SCRIB: variants seen among roughly 807,000 people sequenced by gnomAD.
SCRIB encodes the protein scribble planar cell polarity protein, also known as protein scribble homolog.
Under a neutral mutation model 170.0 loss-of-function variants are expected in SCRIB, and 72 were observed. That is an observed-to-expected ratio of 0.42 (90% CI 0.35 to 0.52). SCRIB has a LOEUF of 0.52. Among genes scored for constraint, SCRIB ranks in the 20% least tolerant of loss-of-function variants. The pLI, the probability that SCRIB is intolerant of heterozygous loss-of-function variation, is 0.02. For synonymous variants in SCRIB, 1,298 were observed against 1,044.3 expected (o/e 1.24, Z -4.68); for missense variants, 2,475 against 2,338.5 (o/e 1.06, Z -1.20).
chr8:143,807,500 G>A, intron 16 of SCRIB, 52 bp downstream of exon 16: 5 of 1,479,070 alleles, frequency 3.4e-6, no homozygotes, highest in Middle Eastern at 1.7e-4. Flanking sequence ...CCACAGCCCG[G>A]GAAGCAAGGC....
intron 24 of SCRIB, among the ~76,000 whole-genome samples, chr8:143,797,889 T>C (rs528730845): frequency 1.3e-5 from 2 of 152,384 alleles, no homozygotes; most frequent in East Asian, 1.9e-4. Flanking sequence ...TGAATAGGGC[T>C]GAGTGTCAGA....
At chr8:143,799,011 C>T (rs1815061557) in intron 24 of SCRIB, among the ~76,000 whole-genome samples, 1 of 152,192 alleles carries the variant, frequency 6.6e-6, no homozygotes, top group Non-Finnish European at 1.5e-5. Context: ...TGTTGAAACC[C>T]ATCAGGAAAA....
At chr8:143,791,567 G>C in intron 35 of SCRIB, 99 bp downstream of exon 35, 1 of 1,540,976 alleles carries the variant, frequency 6.5e-7, no homozygotes, top group Non-Finnish European at 9.0e-7. Flanking sequence ...TGAAGAGGCA[G>C]GGCCACGGCA....
chr8:143,791,096 T>A lies in SCRIB; in HGVS notation c.*67A>T. 1 of 1,357,284 alleles carries A rather than the reference T, an allele frequency of 7.4e-7. No individual in the cohort carries two copies. The highest frequency in any genetic ancestry group is 9.5e-7 in the Non-Finnish European group (1 of 1,055,272). The allele number at this position is 1,357,284 out of a possible 1,614,324, so 84.1% of individuals were successfully genotyped here. On this transcript the variant is annotated 3_prime_UTR_variant, in exon 37 of 37. Coordinates refer to ENST00000356994, the MANE Select transcript of SCRIB (RefSeq NM_182706.5). The stretch of plus-strand genomic sequence containing the variant: ...AATGCTAACACCCAGGTTAAAAGAC[T>A]TGGGGCAAGGGTGGTGCTGGAGCTG...
At chr8:143,804,244 G>A in intron 21 of SCRIB, 88 bp from the exon 22 acceptor site, 1 of 1,002,448 alleles carries the variant, frequency 1.0e-6, no homozygotes, top group Admixed American at 2.8e-5. Context: ...CCCGGTCCTT[G>A]GGGATGGCGG....
At chr8:143,809,846 T>C in intron 13 of SCRIB, 128 bp from the exon 14 acceptor site, 1 of 1,077,242 alleles carries the variant, frequency 9.3e-7, no homozygotes, top group Non-Finnish European at 1.3e-6. Context: ...GTTAACGGGC[T>C]CACGCCCTCG....
In SCRIB at chr8:143,792,617, T is replaced by C; in HGVS notation, c.4196A>G (p.Lys1399Arg). ...CGCCTCCCGCAGCATCTGCGCTCTCTTCTGCTGTAGTTTTCTGGCTGCCGG... is the reference window on the plus strand; with the variant it reads ...CGCCTCCCGCAGCATCTGCGCTCTCCTCTGCTGTAGTTTTCTGGCTGCCGG... ...QEEEARKLQQ[K>R]RAQMLREAAE... The change falls in exon 31 of 37, where the codon AAG becomes AGG. Residue 1399 changes from lysine to arginine, a missense_variant. This residue lies in a region of SCRIB where 1,966 missense variants were observed against 1,742.9 expected (regional missense o/e 1.13). Transcript: ENST00000356994. The C allele has an allele frequency of 6.3e-7, 1 of 1,594,364 alleles. No individual in the cohort carries two copies. The highest frequency in any genetic ancestry group is 8.5e-7 in the Non-Finnish European group (1 of 1,177,560).
chr8:143,797,711 C>G (rs1815002824), intron 24 of SCRIB, among the ~76,000 whole-genome samples: 1 of 152,272 alleles, frequency 6.6e-6, no homozygotes, highest in South Asian at 2.1e-4. Context: ...GGGGCAGTCA[C>G]TGCAGGCAGG....
intron 27 of SCRIB, among the ~76,000 whole-genome samples, chr8:143,794,678 G>A (rs116160965): frequency 0.011 from 1,613 of 151,806 alleles, 29 homozygotes; most frequent in African/African-American, 0.037. Flanking sequence ...TCCTCCCCTT[G>A]GGGACATGTG....
chr8:143,792,661 C>G lies in SCRIB; in HGVS notation c.4178-26G>C, dbSNP rs377040577. The G allele has an allele frequency of 3.4e-5, 54 of 1,590,730 alleles. No individual in the cohort carries two copies. In the African/African-American group the frequency reaches 6.7e-4, roughly 20 times the overall value. ...CTGCCGGAGGGCAGGGTGGGTCAGG[C>G]CAGACCAGCCGAGACCCAACCCCCA... On this transcript the variant is annotated intron_variant, in intron 30 of 36. Transcript: ENST00000356994.
rs778340739 is a variant in SCRIB, at chr8:143,811,362, G to A, written c.907-17C>T. The A allele has an allele frequency of 3.6e-5, 58 of 1,607,790 alleles. 1 individual carries two copies. In the South Asian group the frequency reaches 5.3e-4, roughly 15 times the overall value. ...GGGCAGGGCCTGGCCAAGAAGAGGA[G>A]GTCAGAGGACGCTAGGGGCTTGCTG... On this transcript the variant is annotated splice_polypyrimidine_tract_variant and intron_variant, in intron 9 of 36. Transcript: ENST00000356994.
chr8:143,797,276 A>G (rs117317304), intron 24 of SCRIB, among the ~76,000 whole-genome samples: 2,098 of 152,364 alleles, frequency 0.014, 22 homozygotes, highest in Non-Finnish European at 0.019. Context: ...GCTGTCGCCC[A>G]TGAAATAAAA....
rs1379650260 is a variant in SCRIB, at chr8:143,804,558, T to C, written c.3009+10A>G. ...CTGGGTGGGTGCCTGGGTGGGGGCTTGTGTCTCACCTCCACTGGGTATGGC... is the reference window on the plus strand; with the variant it reads ...CTGGGTGGGTGCCTGGGTGGGGGCTCGTGTCTCACCTCCACTGGGTATGGC... On this transcript the variant is annotated intron_variant, in intron 21 of 36. Transcript: ENST00000356994. 6.7e-7 allele frequency: 1 copy of C among 1,490,496 alleles called. No individual in the cohort carries two copies. Among genetic ancestry groups the C allele is most frequent in the African/African-American group, 1.4e-5 (1 of 71,434 alleles). The allele number at this position is 1,490,496 out of a possible 1,614,324, so 92.3% of individuals were successfully genotyped here. A position where few individuals can be genotyped will look rare whatever the true frequency, so the allele number is the denominator to read the frequency against.
intron 24 of SCRIB, among the ~76,000 whole-genome samples, chr8:143,799,799 G>A (rs1005608665): frequency 5.6e-5 from 8 of 143,988 alleles, no homozygotes; most frequent in African/African-American, 2.0e-4. Flanking sequence ...GACAGACGTG[G>A]GCCGTAGAAA....
At chr8:143,798,723 T>C (rs1815049304) in intron 24 of SCRIB, among the ~76,000 whole-genome samples, 1 of 152,170 alleles carries the variant, frequency 6.6e-6, no homozygotes, top group Non-Finnish European at 1.5e-5. Flanking sequence ...GGATTTGTTC[T>C]CTTTCTGAAA....
At chr8:143,799,025 A>G (rs905746283) in intron 24 of SCRIB, among the ~76,000 whole-genome samples, 1 of 152,248 alleles carries the variant, frequency 6.6e-6, no homozygotes, top group Non-Finnish European at 1.5e-5. Flanking sequence ...AGGAAAATAA[A>G]GACTCATAAG....
At chr8:143,811,369 G>A (rs1335828712) in intron 9 of SCRIB, 24 bp from the exon 10 acceptor site, 5 of 1,597,106 alleles carry the variant, frequency 3.1e-6, no homozygotes, top group Non-Finnish European at 4.3e-6. Context: ...GGAGGTCAGA[G>A]GACGCTAGGG....
At chr8:143,795,661 C>T in intron 24 of SCRIB, 131 bp from the exon 25 acceptor site, 2 of 794,532 alleles carry the variant, frequency 2.5e-6, no homozygotes, top group Non-Finnish European at 4.2e-6. Context: ...GCAGGGCTGA[C>T]CGCGTGGCTG....
rs147155539 is a variant in SCRIB, at chr8:143,810,696, G to A, written c.1394C>T (p.Ala465Val). Residue 465 changes from alanine to valine, a missense_variant, in exon 12 of 37, where the codon GCT (alanine) becomes GTT (valine). Physicochemically the swap from Ala to Val is moderately conservative, Grantham distance 64. Around this residue, in one of 3 missense-constraint regions of SCRIB, gnomAD observed 1,966 missense variants for 1,742.9 expected, o/e 1.13. Transcript: ENST00000356994. ...IGDEDAEEAA[A>V]EKRGLQRRAT... ...TCCTCACCCTCATACCCGCTTCTCA[G>A]CTGCAGCTTCCTCAGCGTCCTCATC... The A allele has an allele frequency of 3.9e-5, 62 of 1,603,790 alleles. 1 individual carries two copies. The East Asian group carries it at 6.5e-4, about 17-fold the overall frequency.
Sources: allele counts gnomAD v4.1 joint callset (sites outside exome capture counted in the v4.1 genomes callset), GRCh38; gene constraint gnomAD v4.1.1; regional missense constraint gnomAD v4.1.1; transcripts MANE v1.5; gene names NCBI Gene and HGNC (gene_info 2026-07-23, HGNC 2026-07-21).